CSRNP3: variants seen among roughly 807,000 people sequenced by gnomAD.
CSRNP3 encodes cysteine and serine rich nuclear protein 3.
CSRNP3 carries 12 observed loss-of-function variants against 48.0 expected under a neutral mutation model. The observed-to-expected ratio is 0.25, with a 90% CI of 0.16 to 0.41. CSRNP3 has a LOEUF of 0.41. Among genes scored for constraint, CSRNP3 ranks in the 10% least tolerant of loss-of-function variants. The pLI is 1.00. For missense variants in CSRNP3, 580 were observed against 724.4 expected, an observed-to-expected ratio of 0.80 and a Z score of 2.29; for synonymous variants, 263 against 269.7, an observed-to-expected ratio of 0.98 and a Z score of 0.24.
intron 3 of CSRNP3, among the ~76,000 whole-genome samples, chr2:165,569,257 A>G (rs1257177027): frequency 6.6e-6 from 1 of 152,088 alleles, no homozygotes; most frequent in Non-Finnish European, 1.5e-5. Flanking sequence ...AGCCTCATCA[A>G]GGGAGAATCT....
At chr2:165,566,637 C>T (rs1685301210) in intron 3 of CSRNP3, 1 of 151,910 alleles carries the variant, frequency 6.6e-6, no homozygotes, top group African/African-American at 2.4e-5. Context: ...TGCACACCAC[C>T]ACATCCAACT....
chr2:165,593,044 G>T (rs959655929), intron 3 of CSRNP3, among the ~76,000 whole-genome samples: 2 of 151,722 alleles, frequency 1.3e-5, no homozygotes, highest in African/African-American at 4.8e-5. Context: ...CTCGTGATCC[G>T]CCCGCCTCGG....
chr2:165,494,707 G>A, intron 1 of CSRNP3, 52 bp from the exon 2 acceptor site: 1 of 162,960 alleles, frequency 6.1e-6, no homozygotes, highest in Admixed American at 6.4e-5. Context: ...CTTTGACTAT[G>A]CAATCAGCAG....
At chr2:165,600,526 T>C (rs1210747231) in intron 4 of CSRNP3, among the ~76,000 whole-genome samples, 4 of 152,216 alleles carry the variant, frequency 2.6e-5, no homozygotes, top group African/African-American at 7.2e-5. Flanking sequence ...TCCACAAGGA[T>C]TGAACTAGTT....
At chr2:165,662,803 A>G (rs551108254) in intron 5 of CSRNP3, among the ~76,000 whole-genome samples, 1 of 152,194 alleles carries the variant, frequency 6.6e-6, no homozygotes, top group South Asian at 2.1e-4. Flanking sequence ...CCTATTTCTG[A>G]GATCCAAGTG....
intron 4 of CSRNP3, among the ~76,000 whole-genome samples, chr2:165,654,658 GTC>G (rs1237060054): frequency 6.6e-6 from 1 of 151,980 alleles, no homozygotes; most frequent in Non-Finnish European, 1.5e-5. Context: ...GAGATGCAGT[GTC>G]TCTCTGTTGC....
At chr2:165,658,101 C>A (rs1687036627) in intron 5 of CSRNP3, 81 bp downstream of exon 5, 7 of 1,458,966 alleles carry the variant, frequency 4.8e-6, no homozygotes, top group African/African-American at 1.4e-5. Context: ...TATTTATAAT[C>A]ACGAAACAAA....
At chr2:165,577,155 A>G (rs1685465062) in intron 3 of CSRNP3, among the ~76,000 whole-genome samples, 1 of 151,862 alleles carries the variant, frequency 6.6e-6, no homozygotes, top group Non-Finnish European at 1.5e-5. Context: ...AGAAAAAAAA[A>G]AACAAAACTA....
At chr2:165,665,355 A>G (rs2105351951) in intron 5 of CSRNP3, among the ~76,000 whole-genome samples, 1 of 152,312 alleles carries the variant, frequency 6.6e-6, no homozygotes, top group East Asian at 1.9e-4. Flanking sequence ...ATCCAACCAT[A>G]TTCTTATTAA....
At chr2:165,492,366 G>A (rs543212422) in intron 1 of CSRNP3, among the ~76,000 whole-genome samples, 18 of 151,964 alleles carry the variant, frequency 1.2e-4, no homozygotes, top group Non-Finnish European at 5.9e-5. Context: ...AGTCCTTGAA[G>A]GCTCTACACA....
chr2:165,511,932 C>T (rs1684512376), intron 2 of CSRNP3, among the ~76,000 whole-genome samples: 1 of 151,962 alleles, frequency 6.6e-6, no homozygotes, highest in Non-Finnish European at 1.5e-5. Context: ...GTTTTTTTGT[C>T]ACACTAGTTT....
At chr2:165,590,260 A>G (rs1456762193) in intron 3 of CSRNP3, among the ~76,000 whole-genome samples, 1 of 152,200 alleles carries the variant, frequency 6.6e-6, no homozygotes, top group Non-Finnish European at 1.5e-5. Flanking sequence ...GCTGTCAGTT[A>G]TCTCCATTGT....
chr2:165,676,046 G>A (rs1490668011), intron 5 of CSRNP3, among the ~76,000 whole-genome samples: 2 of 152,138 alleles, frequency 1.3e-5, no homozygotes, highest in East Asian at 3.9e-4. Context: ...CTCTCTAAAA[G>A]CTCCAACAAC....
chr2:165,575,804 C>T (rs1685440849), intron 3 of CSRNP3, among the ~76,000 whole-genome samples: 2 of 151,920 alleles, frequency 1.3e-5, no homozygotes, highest in African/African-American at 4.8e-5. Context: ...CTTTATCACT[C>T]TATGGGGACA....
At chr2:165,630,139 T>C (rs1686507197) in intron 4 of CSRNP3, among the ~76,000 whole-genome samples, 1 of 152,220 alleles carries the variant, frequency 6.6e-6, no homozygotes, top group South Asian at 2.1e-4. Flanking sequence ...CAAGGCTGTC[T>C]ATTCTTTGAT....
At chr2:165,550,021 T>G (rs371678727) in intron 3 of CSRNP3, among the ~76,000 whole-genome samples, 2 of 152,256 alleles carry the variant, frequency 1.3e-5, no homozygotes, top group East Asian at 3.9e-4. Flanking sequence ...CCATTATACA[T>G]GTAGGACCTT....
At chr2:165,666,072 G>GAGAGGAAGAAAGAA (rs1263963330) in intron 5 of CSRNP3, among the ~76,000 whole-genome samples, 13 of 42,662 alleles carry the variant, frequency 3.0e-4, no homozygotes, top group Non-Finnish European at 6.2e-4. Context: ...GAAAGAAAGA[G>GAGAGGAAGAAAGAA]AGAGAGAGAA....
At chr2:165,470,119 G>C (rs1683872974) in intron 1 of CSRNP3, among the ~76,000 whole-genome samples, 1 of 152,080 alleles carries the variant, frequency 6.6e-6, no homozygotes, top group African/African-American at 2.4e-5. Context: ...AAATTCCACA[G>C]GTCCTGAGAA....
intron 2 of CSRNP3, among the ~76,000 whole-genome samples, chr2:165,506,576 G>T (rs528786320): frequency 6.6e-6 from 1 of 152,222 alleles, no homozygotes; most frequent in African/African-American, 2.4e-5. Context: ...TTGATCTCTG[G>T]TGACTTACAT....
Sources: allele counts gnomAD v4.1 joint callset (sites outside exome capture counted in the v4.1 genomes callset), GRCh38; gene constraint gnomAD v4.1.1; transcripts MANE v1.5; gene names NCBI Gene and HGNC (gene_info 2026-07-23, HGNC 2026-07-21).